The following B3GALT1 variants were observed in gnomAD, a reference collection of about 807,000 sequenced individuals.
B3GALT1 encodes the protein beta-1,3-galactosyltransferase 1.
B3GALT1 carries 10 observed loss-of-function variants against 23.2 expected under a neutral mutation model. That is an observed-to-expected ratio of 0.43 (90% confidence interval 0.27 to 0.73). The LOEUF (loss-of-function observed/expected upper bound fraction) is 0.73, where lower values mean the gene tolerates loss of function less well. Ranked by LOEUF, B3GALT1 falls within the 30% of genes least tolerant of loss-of-function variation. The probability of loss-of-function intolerance (pLI) is 0.21; values close to 1 mark genes in which losing one functional copy is unlikely to be tolerated. For missense variants in B3GALT1, 299 were observed against 405.4 expected, an observed-to-expected ratio of 0.74 and a Z score of 2.25; for synonymous variants, 156 against 141.5, an observed-to-expected ratio of 1.10 and a Z score of -0.73.
chr2:167,631,867 T>G (rs1685454116), intron 2 of B3GALT1, among the ~76,000 whole-genome samples: 1 of 151,388 alleles, frequency 6.6e-6, no homozygotes, highest in South Asian at 2.1e-4. Context: ...GTTACATAGG[T>G]ATACCCGTAC....
intron 3 of B3GALT1, among the ~76,000 whole-genome samples, chr2:167,759,072 A>G (rs1687861943): frequency 6.6e-6 from 1 of 152,178 alleles, no homozygotes; most frequent in South Asian, 2.1e-4. Context: ...TCTCTTAAAG[A>G]CAAGCACAAA....
chr2:167,547,075 G>A (rs1574129928), intron 2 of B3GALT1, among the ~76,000 whole-genome samples: 1 of 152,090 alleles, frequency 6.6e-6, no homozygotes, highest in South Asian at 2.1e-4. Context: ...CTGTTACCTG[G>A]GCTGGCTCAG....
chr2:167,702,399 G>A (rs760886236), intron 3 of B3GALT1, among the ~76,000 whole-genome samples: 1 of 152,148 alleles, frequency 6.6e-6, no homozygotes, highest in African/African-American at 2.4e-5. Context: ...TTCTGGATGA[G>A]GATGATTAAA....
intron 1 of B3GALT1, among the ~76,000 whole-genome samples, chr2:167,457,259 G>T (rs919303413): frequency 6.6e-6 from 1 of 151,836 alleles, no homozygotes; most frequent in Admixed American, 6.6e-5. Flanking sequence ...TGCAGCTTCC[G>T]CCTCCCAGGT....
intron 1 of B3GALT1, among the ~76,000 whole-genome samples, chr2:167,450,295 TTC>T (rs202240869): frequency 0.013 from 2,028 of 152,212 alleles, 43 homozygotes; most frequent in African/African-American, 0.046. Context: ...TAGTTATAGT[TTC>T]TGTTTATTCC....
chr2:167,359,092 G>A (rs537444082), intron 1 of B3GALT1, among the ~76,000 whole-genome samples: 1 of 152,052 alleles, frequency 6.6e-6, no homozygotes, highest in East Asian at 1.9e-4. Context: ...GAGCCACCGC[G>A]CCTGGCCAAG....
chr2:167,448,077 A>G (rs929986171), intron 1 of B3GALT1, among the ~76,000 whole-genome samples: 1 of 151,650 alleles, frequency 6.6e-6, no homozygotes, highest in South Asian at 2.1e-4. Context: ...TTGTGCTACT[A>G]TAAACATGTG....
intron 2 of B3GALT1, among the ~76,000 whole-genome samples, chr2:167,615,371 G>A (rs1284140112): frequency 6.6e-6 from 1 of 151,982 alleles, no homozygotes; most frequent in Non-Finnish European, 1.5e-5. Context: ...TGGTTACCAA[G>A]GGGTTGGGGC....
chr2:167,300,022 C>T (rs1696420910), intron 1 of B3GALT1, among the ~76,000 whole-genome samples: 3 of 152,086 alleles, frequency 2.0e-5, no homozygotes, highest in South Asian at 4.1e-4. Context: ...CCTGCCTCAG[C>T]CTCCCGAGTA....
chr2:167,642,077 G>A (rs973614751), intron 2 of B3GALT1, among the ~76,000 whole-genome samples: 13 of 152,104 alleles, frequency 8.5e-5, no homozygotes, highest in African/African-American at 3.1e-4. Flanking sequence ...ATCTCTGTTG[G>A]TTGACAGATA....
chr2:167,337,222 C>G (rs1164872925), intron 1 of B3GALT1, among the ~76,000 whole-genome samples: 1 of 151,814 alleles, frequency 6.6e-6, no homozygotes, highest in Non-Finnish European at 1.5e-5. Context: ...TTTTTTGTGG[C>G]TTCCTATAAT....
At chr2:167,811,314 T>A (rs1233585226) in intron 3 of B3GALT1, among the ~76,000 whole-genome samples, 1 of 152,250 alleles carries the variant, frequency 6.6e-6, no homozygotes, top group Non-Finnish European at 1.5e-5. Flanking sequence ...TTTCTACTCA[T>A]GGCATTTCTA....
chr2:167,615,931 G>C (rs894472543), intron 2 of B3GALT1, among the ~76,000 whole-genome samples: 1 of 152,036 alleles, frequency 6.6e-6, no homozygotes, highest in Non-Finnish European at 1.5e-5. Flanking sequence ...GCCAGAATTT[G>C]AACCCAGCAC....
intron 1 of B3GALT1, among the ~76,000 whole-genome samples, chr2:167,366,972 A>G (rs1697597726): frequency 1.3e-5 from 2 of 152,196 alleles, no homozygotes; most frequent in African/African-American, 2.4e-5. Context: ...TCAGTGCTAC[A>G]TTCACCACAT....
intron 2 of B3GALT1, among the ~76,000 whole-genome samples, chr2:167,502,359 C>T (rs1329576430): frequency 6.6e-6 from 1 of 152,126 alleles, no homozygotes; most frequent in Non-Finnish European, 1.5e-5. Flanking sequence ...GGGATATATT[C>T]ACTTGGATGC....
chr2:167,776,437 A>G (rs538600424), intron 3 of B3GALT1, among the ~76,000 whole-genome samples: 9 of 152,328 alleles, frequency 5.9e-5, no homozygotes, highest in African/African-American at 1.7e-4. Flanking sequence ...CGTTTTCTCT[A>G]AAGTATGAAA....
chr2:167,491,569 C>T (rs1408788997), intron 2 of B3GALT1, among the ~76,000 whole-genome samples: 1 of 149,450 alleles, frequency 6.7e-6, no homozygotes, highest in Non-Finnish European at 1.5e-5. Context: ...AATCCCAGCA[C>T]TTTGGGAGGC....
chr2:167,753,039 C>T (rs944297904), intron 3 of B3GALT1, among the ~76,000 whole-genome samples: 1 of 152,136 alleles, frequency 6.6e-6, no homozygotes, highest in African/African-American at 2.4e-5. Context: ...GGGAAATAAC[C>T]ATGAATGGGG....
At chr2:167,811,594 A>G (rs750177904) in intron 3 of B3GALT1, among the ~76,000 whole-genome samples, 1 of 152,182 alleles carries the variant, frequency 6.6e-6, no homozygotes, top group Non-Finnish European at 1.5e-5. Context: ...ATCTTGATCA[A>G]TTCTCATTCA....
Sources: gnomAD v4.1 joint callset for allele counts (sites outside exome capture counted in the v4.1 genomes callset) on GRCh38, gnomAD v4.1.1 for gene constraint, MANE v1.5 for transcripts, NCBI Gene and HGNC (gene_info 2026-07-23, HGNC 2026-07-21) for gene names.